The following NCALD variants were observed in gnomAD, a reference collection of about 807,000 sequenced individuals.
NCALD encodes neurocalcin delta.
A neutral mutation model predicts 18.6 loss-of-function variants in NCALD; 10 were observed. That is an observed-to-expected ratio of 0.54 (90% confidence interval 0.33 to 0.91). The LOEUF (loss-of-function observed/expected upper bound fraction) is 0.91. Among genes scored for constraint, NCALD ranks in the 40% least tolerant of loss-of-function variants. The pLI, the probability that NCALD is intolerant of heterozygous loss-of-function variation, is 0.03. For missense variants in NCALD, 184 were observed against 247.6 expected (o/e 0.74, Z 1.72); for synonymous variants, 88 against 87.4 (o/e 1.01, Z -0.04).
At chr8:101,910,028 C>T (rs1175461242) in intron 3 of NCALD, among the ~76,000 whole-genome samples, 1 of 152,060 alleles carries the variant, frequency 6.6e-6, no homozygotes, top group East Asian at 1.9e-4. Flanking sequence ...TGAAGTCTTT[C>T]TAGTCTTCAG....
intron 2 of NCALD, among the ~76,000 whole-genome samples, chr8:101,994,110 C>T (rs1047543075): frequency 2.6e-5 from 4 of 152,154 alleles, no homozygotes; most frequent in African/African-American, 9.7e-5. Context: ...GCTTCTTTTA[C>T]TTAACACATT....
intron 4 of NCALD, among the ~76,000 whole-genome samples, chr8:101,836,354 C>G (rs926837782): frequency 4.6e-5 from 7 of 152,036 alleles, no homozygotes; most frequent in Admixed American, 3.3e-4. Flanking sequence ...AGTCAAAAAC[C>G]CTAGACCCTT....
intron 3 of NCALD, among the ~76,000 whole-genome samples, chr8:101,893,456 T>C (rs1431827186): frequency 8.9e-5 from 13 of 146,438 alleles, no homozygotes; most frequent in African/African-American, 3.4e-4. Context: ...CTGCATCAAC[T>C]AACGAGCAAA....
chr8:101,743,120 A>G (rs1810283146), intron 1 of NCALD, among the ~76,000 whole-genome samples: 1 of 152,252 alleles, frequency 6.6e-6, no homozygotes, highest in Non-Finnish European at 1.5e-5. Flanking sequence ...TTGAAAAATT[A>G]GAATGAATAT....
At chr8:101,991,630 T>C (rs942473976) in intron 2 of NCALD, among the ~76,000 whole-genome samples, 3 of 151,932 alleles carry the variant, frequency 2.0e-5, no homozygotes, top group African/African-American at 7.3e-5. Flanking sequence ...CTGGTGCCAA[T>C]AGAGGAAGGC....
At chr8:102,102,331 T>C (rs1563618639) in intron 1 of NCALD, among the ~76,000 whole-genome samples, 1 of 152,078 alleles carries the variant, frequency 6.6e-6, no homozygotes, top group Non-Finnish European at 1.5e-5. Flanking sequence ...CGTGAAGCAA[T>C]TAGCGCAGAG....
intron 2 of NCALD, among the ~76,000 whole-genome samples, chr8:101,974,976 T>C (rs116961477): frequency 6.6e-6 from 1 of 152,252 alleles, no homozygotes; most frequent in Non-Finnish European, 1.5e-5. Context: ...CAAAACACCA[T>C]AGAACATTTG....
chr8:101,963,023 A>C (rs987923338), intron 2 of NCALD, among the ~76,000 whole-genome samples: 1 of 152,166 alleles, frequency 6.6e-6, no homozygotes, highest in African/African-American at 2.4e-5. Context: ...ACCTTTTGCC[A>C]ATTTCCATGG....
At chr8:102,039,034 C>A (rs1399446069) in intron 1 of NCALD, among the ~76,000 whole-genome samples, 1 of 152,124 alleles carries the variant, frequency 6.6e-6, no homozygotes, top group Non-Finnish European at 1.5e-5. Context: ...CAACAGCGTG[C>A]AAGAAAACAG....
chr8:101,744,610 A>G (rs541080400), intron 1 of NCALD, among the ~76,000 whole-genome samples: 5 of 152,284 alleles, frequency 3.3e-5, no homozygotes, highest in African/African-American at 1.2e-4. Context: ...TAGTTTATCT[A>G]CCATATATCT....
rs753705162 is a variant in NCALD at position 101,828,189 on chromosome 8, C to T, written c.-20+58952G>A. Among the ~76,000 whole-genome samples the T allele has an allele frequency of 1.6e-4, 24 of 152,284 alleles. 1 individual carries two copies. The highest frequency in any genetic ancestry group is 2.9e-4 in the Non-Finnish European group (20 of 68,028). On this transcript the variant is annotated intron_variant, in intron 4 of 6. Coordinates refer to the NCALD transcript ENST00000311028. ...CCTCCATAACGCAGCCAGAACAACCCTGTTAAAACATGAGGCAGACCATGT... is the reference window on the plus strand; with the variant it reads ...CCTCCATAACGCAGCCAGAACAACCTTGTTAAAACATGAGGCAGACCATGT...
chr8:101,715,763 A>G (rs1181104859), intron 2 of NCALD, among the ~76,000 whole-genome samples: 1 of 152,246 alleles, frequency 6.6e-6, no homozygotes, highest in Non-Finnish European at 1.5e-5. Context: ...CAAAACCACA[A>G]TGAGATACCA....
At chr8:102,038,243 T>C (rs1017583463) in intron 1 of NCALD, among the ~76,000 whole-genome samples, 5 of 152,106 alleles carry the variant, frequency 3.3e-5, no homozygotes, top group African/African-American at 1.2e-4. Context: ...AAGTGAGATG[T>C]GACAGAAATT....
intron 1 of NCALD, among the ~76,000 whole-genome samples, chr8:102,028,712 C>T (rs1272557369): frequency 6.6e-6 from 1 of 152,250 alleles, no homozygotes; most frequent in Non-Finnish European, 1.5e-5. Context: ...ATGTGAATTA[C>T]ACTGCTCCTT....
At chr8:101,768,735 AAGAAAGAAAGC>A (rs1811459804) in intron 1 of NCALD, among the ~76,000 whole-genome samples, 1 of 151,426 alleles carries the variant, frequency 6.6e-6, no homozygotes, top group South Asian at 2.1e-4. Context: ...AAAAAAAAAA[AAGAAAGAAAGC>A]AAGAAAGAAA....
chr8:101,821,881 T>TAAAAAAAAA (rs370878560), intron 4 of NCALD, among the ~76,000 whole-genome samples: 4 of 116,514 alleles, frequency 3.4e-5, no homozygotes, highest in African/African-American at 1.4e-4. Context: ...GGGTTCTAAG[T>TAAAAAAAAA]AAAAAAAAAA....
At chr8:101,998,423 C>A (rs1251426489) in intron 2 of NCALD, among the ~76,000 whole-genome samples, 2 of 152,166 alleles carry the variant, frequency 1.3e-5, no homozygotes, top group Non-Finnish European at 2.9e-5. Context: ...CCAAAGTTAT[C>A]TACACTGCCA....
intron 2 of NCALD, among the ~76,000 whole-genome samples, chr8:102,001,257 A>G (rs938549466): frequency 3.4e-4 from 52 of 152,386 alleles, no homozygotes; most frequent in Non-Finnish European, 4.0e-4. Flanking sequence ...GATTCGATCA[A>G]CTGGAAGAAA....
intron 1 of NCALD, among the ~76,000 whole-genome samples, chr8:101,723,549 T>A (rs1816453620): frequency 6.6e-6 from 1 of 152,348 alleles, no homozygotes; most frequent in South Asian, 2.1e-4. Context: ...ATTTAAATAG[T>A]CAAAAATATA....
Sources: allele counts gnomAD v4.1 joint callset (sites outside exome capture counted in the v4.1 genomes callset), GRCh38; gene constraint gnomAD v4.1.1; transcripts MANE v1.5; gene names NCBI Gene and HGNC (gene_info 2026-07-23, HGNC 2026-07-21).